Variants in PTPDC1 observed in about 807,000 individuals in gnomAD.
The protein encoded by PTPDC1 is protein tyrosine phosphatase domain containing 1.
PTPDC1 carries 53 observed loss-of-function variants against 75.3 expected under a neutral mutation model. That is an observed-to-expected ratio of 0.70 (90% CI 0.56 to 0.88). The LOEUF (loss-of-function observed/expected upper bound fraction) is 0.88. PTPDC1 is among the 40% of genes least tolerant of loss of function. The pLI is 0.00. For synonymous variants in PTPDC1, 349 were observed against 366.2 expected (o/e 0.95, Z 0.54); for missense variants, 925 against 998.6 (o/e 0.93, Z 0.99).
Position 94,085,717 on chromosome 9 carries a change from A to C in PTPDC1, c.416+295A>C, listed in dbSNP as rs1827049462. 2.6e-5 allele frequency among the ~76,000 whole-genome samples: 4 copies of C among 152,292 alleles called. No homozygotes were observed. The South Asian group carries it at 8.3e-4, about 31-fold the overall frequency. On this transcript the variant is annotated intron_variant, in intron 2 of 8. Coordinates refer to ENST00000620992, the MANE Select transcript of PTPDC1 (RefSeq NM_001253829.2). ...TAATTAGATAGCTCTTAAATTTCAGAAATGTTTAGAAATAATAAAACTTCA... is the reference window on the plus strand; with the variant it reads ...TAATTAGATAGCTCTTAAATTTCAGCAATGTTTAGAAATAATAAAACTTCA...
intron 2 of PTPDC1, among the ~76,000 whole-genome samples, chr9:94,078,276 C>T (rs1826762171): frequency 6.6e-6 from 1 of 152,192 alleles, no homozygotes; most frequent in Non-Finnish European, 1.5e-5. Flanking sequence ...AGAAATCTTG[C>T]TGCATGTAAG....
intron 2 of PTPDC1, among the ~76,000 whole-genome samples, chr9:94,075,799 G>A (rs573277336): frequency 6.6e-6 from 1 of 152,268 alleles, no homozygotes; most frequent in East Asian, 1.9e-4. Flanking sequence ...AAGGAGAGCA[G>A]GAAGGAGGGA....
intron 7 of PTPDC1, among the ~76,000 whole-genome samples, chr9:94,102,524 C>T (rs1465955938): frequency 6.6e-6 from 1 of 151,952 alleles, no homozygotes; most frequent in African/African-American, 2.4e-5. Context: ...CATTTTTATC[C>T]ATACAGAGAT....
intron 8 of PTPDC1, among the ~76,000 whole-genome samples, chr9:94,105,367 G>A (rs185870381): frequency 3.3e-5 from 5 of 152,296 alleles, no homozygotes; most frequent in Admixed American, 3.3e-4. Context: ...GTTGTGGTTT[G>A]GTGTTTAAGA....
At chr9:94,046,486 G>A (rs562022617) in intron 1 of PTPDC1, among the ~76,000 whole-genome samples, 4 of 152,246 alleles carry the variant, frequency 2.6e-5, no homozygotes, top group Admixed American at 6.5e-5. Flanking sequence ...AGCATGGAAT[G>A]TTCTTCCATT....
chr9:94,094,387 T>G lies in PTPDC1; in HGVS notation c.617-930T>G, dbSNP rs931266196. On this transcript the variant is annotated intron_variant, in intron 4 of 8. Transcript: ENST00000620992. ...TGCTGGTGCCTCCCAGTTAGGCTGTTCTGGGGTCAGGGGTCAGGGACCCAC... is the reference window on the plus strand; with the variant it reads ...TGCTGGTGCCTCCCAGTTAGGCTGTGCTGGGGTCAGGGGTCAGGGACCCAC... Among the ~76,000 whole-genome samples, 3 of 152,050 alleles carry G rather than the reference T, an allele frequency of 2.0e-5. No homozygotes were observed. The South Asian group carries it at 6.2e-4, about 32-fold the overall frequency.
intron 1 of PTPDC1, among the ~76,000 whole-genome samples, chr9:94,052,366 G>T (rs1825817393): frequency 6.6e-6 from 1 of 151,960 alleles, no homozygotes; most frequent in African/African-American, 2.4e-5. Flanking sequence ...ATTTGTTCAG[G>T]TGTGTTTTAT....
At chr9:94,062,218 A>G (rs1312925936) in intron 1 of PTPDC1, among the ~76,000 whole-genome samples, 1 of 152,200 alleles carries the variant, frequency 6.6e-6, no homozygotes, top group Non-Finnish European at 1.5e-5. Context: ...CTCTTTGCCA[A>G]GGTTTAACAA....
chr9:94,079,728 C>A (rs1161224407), upstream of PTPDC1, among the ~76,000 whole-genome samples: 1 of 152,182 alleles, frequency 6.6e-6, no homozygotes, highest in Non-Finnish European at 1.5e-5. Context: ...GTTTTTAAGG[C>A]CTGCTTCTCC....
Position 94,098,148 on chromosome 9 carries a change from AT to A in PTPDC1, c.1586del (p.Phe529SerfsTer110). 6.2e-7 allele frequency: 1 copy of A among 1,614,222 alleles called. No homozygotes were observed. Among genetic ancestry groups the A allele is most frequent in the Non-Finnish European group, 8.5e-7 (1 of 1,180,038 alleles). ...AGGACTCAAAGATAATGGGTCACCA[AT>A]TTTCCATGGAAGGATCATTCCAAAG... Reference protein sequence around the residue: ...LEGLKDNGSPIFHGRIIPKEA... With the variant: ...LEGLKDNGSPXFHGRIIPKEA... On this transcript the variant is annotated frameshift_variant, in exon 6 of 9. Transcript: ENST00000620992. LOFTEE classifies it high-confidence loss of function.
At chr9:94,085,556 G>A (rs1490283250) in intron 2 of PTPDC1, 134 bp downstream of exon 2, 1 of 888,014 alleles carries the variant, frequency 1.1e-6, no homozygotes, top group Non-Finnish European at 1.7e-6. Flanking sequence ...AGTCAGTTCT[G>A]GCTTTGCCTT....
chr9:94,045,100 T>C (rs1490736865), intron 1 of PTPDC1, among the ~76,000 whole-genome samples: 2 of 150,112 alleles, frequency 1.3e-5, no homozygotes, highest in Admixed American at 6.7e-5. Flanking sequence ...GGTGTTTGGT[T>C]TTTTGTCCCT....
At chr9:94,085,175 A>C in intron 1 of PTPDC1, 76 bp from the exon 2 acceptor site, 1 of 1,318,326 alleles carries the variant, frequency 7.6e-7, no homozygotes. Context: ...CCTGAGATAA[A>C]ATGGAAGCTA....
chr9:94,041,517 T>C (rs1184926932), intron 1 of PTPDC1, among the ~76,000 whole-genome samples: 1 of 152,228 alleles, frequency 6.6e-6, no homozygotes, highest in Non-Finnish European at 1.5e-5. Flanking sequence ...ACCTCCCATG[T>C]AGACAATCAA....
At chr9:94,035,839 A>G (rs1825246977) in intron 1 of PTPDC1, among the ~76,000 whole-genome samples, 1 of 152,000 alleles carries the variant, frequency 6.6e-6, no homozygotes, top group Non-Finnish European at 1.5e-5. Flanking sequence ...GCCAACACCT[A>G]TCTTTTGACT....
intron 6 of PTPDC1, 32 bp downstream of exon 6, chr9:94,098,611 T>C (rs373837070): frequency 7.1e-6 from 11 of 1,538,510 alleles, no homozygotes; most frequent in Middle Eastern, 1.7e-4. Context: ...ATTATAGATA[T>C]GTGGGAAATA....
rs200913204 is a variant in PTPDC1, at chr9:94,104,306, A to G, written c.2231A>G (p.His744Arg). The G allele has an allele frequency of 6.0e-5, 97 of 1,613,832 alleles. No individual in the cohort carries two copies. Among genetic ancestry groups the G allele is most frequent in the Non-Finnish European group, 6.9e-5 (81 of 1,179,784 alleles). ...GQHQTILCVL[H>R]CIVNLQTIPV... is the part of the protein sequence containing the mutation. ...CACCAGACTATTCTCTGCGTGTTGCACTGCATAGTGAACCTGCAGACAATT... is the reference window on the plus strand; with the variant it reads ...CACCAGACTATTCTCTGCGTGTTGCGCTGCATAGTGAACCTGCAGACAATT... The change falls in exon 8 of 9, where the codon CAC becomes CGC. Residue 744 changes from histidine (H) to arginine (R), a missense_variant. By Grantham distance (29) the His-to-Arg change is conservative. Transcript: ENST00000620992.
At chr9:94,094,605 C>G (rs1827470264) in intron 4 of PTPDC1, among the ~76,000 whole-genome samples, 1 of 152,114 alleles carries the variant, frequency 6.6e-6, no homozygotes, top group Non-Finnish European at 1.5e-5. Flanking sequence ...TGGGCTCCAC[C>G]CAGTTCGAGC....
chr9:94,078,528 G>C (rs1271554191), intron 2 of PTPDC1, among the ~76,000 whole-genome samples: 1 of 152,062 alleles, frequency 6.6e-6, no homozygotes, highest in East Asian at 1.9e-4. Context: ...CATCAGATTT[G>C]GGAAGCTTTA....
Sources: gnomAD v4.1 joint callset for allele counts (sites outside exome capture counted in the v4.1 genomes callset) on GRCh38, gnomAD v4.1.1 for gene constraint, MANE v1.5 for transcripts, NCBI Gene and HGNC (gene_info 2026-07-23, HGNC 2026-07-21) for gene names.